The following FAT4 variants were observed in gnomAD, a reference collection of about 807,000 sequenced individuals.
FAT4 encodes protocadherin Fat 4.
Under a neutral mutation model 303.9 loss-of-function variants are expected in FAT4, and 84 were observed. The ratio of observed to expected loss-of-function variants is 0.28; its 90% CI spans 0.23 to 0.33. The LOEUF is 0.33. FAT4 is among the 10% of genes least tolerant of loss of function. The pLI is 1.00. For synonymous variants in FAT4, 2,307 were observed against 2,298.8 expected, an observed-to-expected ratio of 1.00 and a Z score of -0.10; for missense variants, 6,005 against 6,146.8, an observed-to-expected ratio of 0.98 and a Z score of 0.77.
chr4:125,395,945 A>G (rs1734152638), intron 2 of FAT4, among the ~76,000 whole-genome samples: 1 of 152,178 alleles, frequency 6.6e-6, no homozygotes, highest in South Asian at 2.1e-4. Flanking sequence ...GTGATCCCCT[A>G]GTTTAGTTTT....
chr4:125,413,456 A>G (rs947710303), intron 5 of FAT4, among the ~76,000 whole-genome samples: 1 of 151,974 alleles, frequency 6.6e-6, no homozygotes, highest in Non-Finnish European at 1.5e-5. Flanking sequence ...GGAAAAAATA[A>G]ACTACGCTTT....
At chr4:125,337,784 A>G (rs995386747) in intron 2 of FAT4, among the ~76,000 whole-genome samples, 3 of 152,082 alleles carry the variant, frequency 2.0e-5, no homozygotes, top group Non-Finnish European at 4.4e-5. Flanking sequence ...ACTTGGGAAG[A>G]AAAATAAAAC....
chr4:125,444,284 G>A (rs1238244013), intron 8 of FAT4, among the ~76,000 whole-genome samples: 1 of 152,084 alleles, frequency 6.6e-6, no homozygotes, highest in African/African-American at 2.4e-5. Context: ...TGCTTCCTGT[G>A]TGTTATTTCA....
At chr4:125,330,426 A>AT (rs1247092599) in intron 2 of FAT4, among the ~76,000 whole-genome samples, 1 of 152,076 alleles carries the variant, frequency 6.6e-6, no homozygotes, top group Non-Finnish European at 1.5e-5. Flanking sequence ...TAGTTGTTGA[A>AT]TTTTTTCTCT....
Position 125,468,527 on chromosome 4 carries a change from A to T in FAT4, c.11921A>T (p.His3974Leu), listed in dbSNP as rs761375295. Residue 3974 changes from histidine to leucine, a missense_variant, in exon 12 of 18, where the codon CAC becomes CTC. Physicochemically the swap from His to Leu is moderately conservative, Grantham distance 99. Coordinates refer to ENST00000394329, the MANE Select transcript of FAT4 (RefSeq NM_001291303.3). ...CHCPFGVFGK[H>L]CELNSYGFEE... is the part of the protein sequence containing the mutation. ...CCTCCAACAGGTGTCTTTGGAAAAC[A>T]CTGCGAGTTGAACAGTTATGGATTT... 1 of 1,554,918 alleles carries T rather than the reference A, an allele frequency of 6.4e-7. No individual in the cohort carries two copies. The highest frequency in any genetic ancestry group is 1.4e-5 in the African/African-American group (1 of 73,938).
At chr4:125,404,557 T>C (rs186711643) in intron 3 of FAT4, among the ~76,000 whole-genome samples, 23 of 152,306 alleles carry the variant, frequency 1.5e-4, no homozygotes, top group Admixed American at 1.3e-3. Context: ...GATACGCTTT[T>C]ATTTTTATTT....
chr4:125,381,299 A>T (rs534589141), intron 2 of FAT4, among the ~76,000 whole-genome samples: 6 of 152,312 alleles, frequency 3.9e-5, no homozygotes, highest in South Asian at 4.1e-4. Flanking sequence ...CTGTGGTTAT[A>T]TTGCTATGAT....
intron 2 of FAT4, among the ~76,000 whole-genome samples, chr4:125,391,993 G>C (rs994290596): frequency 6.6e-6 from 1 of 152,066 alleles, no homozygotes; most frequent in Non-Finnish European, 1.5e-5. Context: ...AGAATGAGCA[G>C]GACACATTAT....
intron 7 of FAT4, among the ~76,000 whole-genome samples, chr4:125,433,587 C>T (rs775464449): frequency 1.4e-4 from 22 of 152,180 alleles, no homozygotes; most frequent in Non-Finnish European, 2.8e-4. Flanking sequence ...ATATTGATAG[C>T]AGCTGGAACA....
intron 10 of FAT4, among the ~76,000 whole-genome samples, chr4:125,453,407 A>G (rs529108176): frequency 6.6e-6 from 1 of 152,128 alleles, no homozygotes; most frequent in Non-Finnish European, 1.5e-5. Context: ...TCAGATTTAG[A>G]TTAAAATGAT....
In FAT4 at chr4:125,451,087, T is replaced by G; in HGVS notation, c.10077T>G (p.Val3359=). The part of the protein sequence containing the change: ...QINKKTGQIY[V]SGILDREKEE... ...ATAAGAAGACTGGACAGATTTATGTTTCTGGAATTCTTGATCGAGAAAAAG... is the reference window on the plus strand; with the variant it reads ...ATAAGAAGACTGGACAGATTTATGTGTCTGGAATTCTTGATCGAGAAAAAG... The change falls in exon 10 of 18, where the codon GTT becomes GTG. Residue 3359 remains valine, a synonymous_variant. Coordinates refer to ENST00000394329, the MANE Select transcript of FAT4 (RefSeq NM_001291303.3). 2 of 1,614,142 alleles carry G rather than the reference T, an allele frequency of 1.2e-6. No individual in the cohort carries two copies. Among genetic ancestry groups the G allele is most frequent in the Non-Finnish European group, 1.7e-6 (2 of 1,180,018 alleles).
In FAT4 at chr4:125,451,262, G is replaced by A; in HGVS notation, c.10252G>A (p.Gly3418Arg). Residue 3418 changes from glycine to arginine, a missense_variant, in exon 10 of 18, where the codon GGG becomes AGG. By Grantham distance (125) the Gly-to-Arg change is moderately radical (BLOSUM62 -2). Coordinates refer to ENST00000394329, the MANE Select transcript of FAT4 (RefSeq NM_001291303.3). ...CATCTACAGTGTGCAGATCAGTGAAGGGGTCCCAATAGGAACTCATGTGAC... is the reference window on the plus strand; with the variant it reads ...CATCTACAGTGTGCAGATCAGTGAAAGGGTCCCAATAGGAACTCATGTGAC... ...LNIYSVQISEGVPIGTHVTFV... is the reference protein window; with the variant it reads ...LNIYSVQISERVPIGTHVTFV... The A allele has an allele frequency of 6.2e-7, 1 of 1,614,070 alleles. No individual in the cohort carries two copies. Among genetic ancestry groups the A allele is most frequent in the Non-Finnish European group, 8.5e-7 (1 of 1,180,008 alleles).
intron 14 of FAT4, among the ~76,000 whole-genome samples, chr4:125,479,108 T>C (rs2126085394): frequency 6.6e-6 from 1 of 152,288 alleles, no homozygotes; most frequent in East Asian, 1.9e-4. Flanking sequence ...GAAAAGATAT[T>C]CTACCAGATA....
At chr4:125,418,281 A>C (rs1276670681) in intron 7 of FAT4, among the ~76,000 whole-genome samples, 1 of 152,094 alleles carries the variant, frequency 6.6e-6, no homozygotes, top group African/African-American at 2.4e-5. Flanking sequence ...ATTTTTTTTG[A>C]ACTATTACCT....
Position 125,487,568 on chromosome 4 carries a change from G to A in FAT4, c.13046G>A (p.Gly4349Glu). The A allele has an allele frequency of 6.2e-7, 1 of 1,612,642 alleles. No homozygotes were observed. Among genetic ancestry groups the A allele is most frequent in the African/African-American group, 1.3e-5 (1 of 74,988 alleles). ...GLDVLTISLG[G>E]IPPNQAHRDA... ...GATGTGCTTACTATATCACTTGGAG[G>A]AATTCCACCCAATCAAGCACATCGA... The change falls in exon 17 of 18, where the codon GGA (glycine) becomes GAA (glutamate). Residue 4349 changes from glycine (G) to glutamate (E), a missense_variant. Coordinates refer to ENST00000394329, the MANE Select transcript of FAT4 (RefSeq NM_001291303.3).
chr4:125,361,762 T>C (rs1732681159), intron 2 of FAT4, among the ~76,000 whole-genome samples: 1 of 152,154 alleles, frequency 6.6e-6, no homozygotes, highest in Non-Finnish European at 1.5e-5. Flanking sequence ...GGTCGTTTTA[T>C]TACCTGCAAC....
At chr4:125,486,329 G>T (rs985403885) in intron 16 of FAT4, among the ~76,000 whole-genome samples, 1 of 151,188 alleles carries the variant, frequency 6.6e-6, no homozygotes, top group Non-Finnish European at 1.5e-5. Flanking sequence ...ATAAAATATT[G>T]CTATATGAAT....
At chr4:125,454,600 G>A (rs558229636) in intron 10 of FAT4, among the ~76,000 whole-genome samples, 2 of 152,288 alleles carry the variant, frequency 1.3e-5, no homozygotes, top group African/African-American at 4.8e-5. Flanking sequence ...TTGGGAGGCT[G>A]AGGCAGGTGG....
At chr4:125,325,980 G>T (rs1731133978) in intron 2 of FAT4, among the ~76,000 whole-genome samples, 1 of 151,998 alleles carries the variant, frequency 6.6e-6, no homozygotes, top group African/African-American at 2.4e-5. Context: ...CCTTAAACAG[G>T]TCTCTGGTTT....
Sources: gnomAD v4.1 joint callset for allele counts (sites outside exome capture counted in the v4.1 genomes callset) on GRCh38, gnomAD v4.1.1 for gene constraint, MANE v1.5 for transcripts, NCBI Gene and HGNC (gene_info 2026-07-23, HGNC 2026-07-21) for gene names.